PRIM2: variants seen among roughly 807,000 people sequenced by gnomAD.
The protein encoded by PRIM2 is DNA primase large subunit.
A neutral mutation model predicts 67.3 loss-of-function variants in PRIM2; 39 were observed. The ratio of observed to expected loss-of-function variants is 0.58; its 90% CI spans 0.45 to 0.76. The LOEUF (loss-of-function observed/expected upper bound fraction) is 0.76. Among genes scored for constraint, PRIM2 ranks in the 30% least tolerant of loss-of-function variants. The pLI, the probability that PRIM2 is intolerant of heterozygous loss-of-function variation, is 0.00. For synonymous variants in PRIM2, 143 were observed against 198.7 expected, an observed-to-expected ratio of 0.72 and a Z score of 2.36; for missense variants, 398 against 598.7, an observed-to-expected ratio of 0.66 and a Z score of 3.50.
At chr6:57,364,517 T>C (rs1769292978) in intron 5 of PRIM2, among the ~76,000 whole-genome samples, 1 of 152,196 alleles carries the variant, frequency 6.6e-6, no homozygotes. Context: ...AAAAACTTCA[T>C]TTTCCTACCT....
chr6:57,599,791 T>C (rs1391908142), intron 10 of PRIM2, among the ~76,000 whole-genome samples: 14,593 of 152,278 alleles, frequency 0.096, 780 homozygotes, highest in Middle Eastern at 0.15. Context: ...CCATTAAATG[T>C]TTTCCAATGC....
the PRIM2 span, among the ~76,000 whole-genome samples, chr6:57,250,906 C>T: frequency 3.0e-4 from 46 of 152,264 alleles, no homozygotes; most frequent in African/African-American, 1.1e-3. Flanking sequence ...ATGCTCACTG[C>T]AGCATGTCAA....
intron 5 of PRIM2, among the ~76,000 whole-genome samples, chr6:57,353,439 A>T (rs1768922164): frequency 6.6e-6 from 1 of 152,186 alleles, no homozygotes; most frequent in Admixed American, 6.5e-5. Context: ...CCTGATTTTC[A>T]TTTAGTTTGC....
upstream of PRIM2, among the ~76,000 whole-genome samples, chr6:57,313,826 G>T (rs573330111): frequency 6.6e-6 from 1 of 152,192 alleles, no homozygotes; most frequent in Non-Finnish European, 1.5e-5. Context: ...GACACACCCC[G>T]CTCAGAAGAG....
At chr6:57,439,565 G>C (rs1345803139) in intron 7 of PRIM2, among the ~76,000 whole-genome samples, 1 of 151,270 alleles carries the variant, frequency 6.6e-6, no homozygotes, top group Non-Finnish European at 1.5e-5. Flanking sequence ...ACAGGCACCC[G>C]CCACCACGCC....
chr6:57,246,192 T>C, the PRIM2 span, among the ~76,000 whole-genome samples: 1 of 152,246 alleles, frequency 6.6e-6, no homozygotes. Flanking sequence ...CTGTGTTACT[T>C]GTTCTGCAGC....
the PRIM2 span, among the ~76,000 whole-genome samples, chr6:57,278,184 G>T: frequency 6.7e-6 from 1 of 150,304 alleles, no homozygotes; most frequent in African/African-American, 2.5e-5. Flanking sequence ...AAAATTAGCC[G>T]GGTGTGGTAG....
At chr6:57,338,402 C>A (rs201548903) in intron 5 of PRIM2, among the ~76,000 whole-genome samples, 3 of 151,386 alleles carry the variant, frequency 2.0e-5, no homozygotes, top group Non-Finnish European at 4.4e-5. Context: ...AGAGACACAA[C>A]CAAAAAAGAG....
chr6:57,544,033 T>G (rs1685286187), intron 10 of PRIM2, among the ~76,000 whole-genome samples: 1 of 152,154 alleles, frequency 6.6e-6, no homozygotes, highest in South Asian at 2.1e-4. Flanking sequence ...TTATTAGGAA[T>G]TTGATGTTGT....
chr6:57,616,811 G>T lies in PRIM2; in HGVS notation c.1230+10354G>T, dbSNP rs1472520520. Among the ~76,000 whole-genome samples the T allele has an allele frequency of 1.4e-3, 212 of 152,212 alleles. 5 individuals carry two copies. In the East Asian group the frequency reaches 0.019, roughly 14 times the overall value. On this transcript the variant is annotated intron_variant, in intron 12 of 13. Transcript: ENST00000615550. ...TACACCTATTAAACAATCACCTCCT[G>T]CCGCCCCTAGAAACCAATAATCTGC...
intron 12 of PRIM2, among the ~76,000 whole-genome samples, chr6:57,630,479 GT>G (rs1777021995): frequency 6.6e-6 from 1 of 151,386 alleles, no homozygotes; most frequent in East Asian, 1.9e-4. Context: ...GTTTTCTTTA[GT>G]AAGTTTTTTA....
chr6:57,385,057 G>A (rs1770094251), intron 7 of PRIM2, among the ~76,000 whole-genome samples: 1 of 152,028 alleles, frequency 6.6e-6, no homozygotes, highest in South Asian at 2.1e-4. Flanking sequence ...ATGTATATTT[G>A]TGATTTATCA....
At chr6:57,491,113 CAAGAAAAACCCAT>C (rs1200660743) in intron 7 of PRIM2, among the ~76,000 whole-genome samples, 2 of 152,046 alleles carry the variant, frequency 1.3e-5, no homozygotes, top group Non-Finnish European at 2.9e-5. Context: ...GAAAGAAAGA[CAAGAAAAACCCAT>C]ATCCTGATAA....
At chr6:57,410,307 G>A (rs1771041844) in intron 7 of PRIM2, among the ~76,000 whole-genome samples, 1 of 145,410 alleles carries the variant, frequency 6.9e-6, no homozygotes, top group African/African-American at 2.6e-5. Context: ...ACTCCAGCCT[G>A]GGTGACAGAG....
intron 7 of PRIM2, among the ~76,000 whole-genome samples, chr6:57,399,440 T>C (rs1231631136): frequency 2.6e-5 from 4 of 152,208 alleles, no homozygotes; most frequent in African/African-American, 7.2e-5. Flanking sequence ...CAGTCTATCA[T>C]TGATGGACAT....
chr6:57,455,417 G>A (rs1375003023), intron 7 of PRIM2, among the ~76,000 whole-genome samples: 1 of 152,154 alleles, frequency 6.6e-6, no homozygotes, highest in African/African-American at 2.4e-5. Context: ...TTGTGTGGTA[G>A]TCTAAGTCTC....
At chr6:57,431,987 G>T (rs1771846317) in intron 7 of PRIM2, among the ~76,000 whole-genome samples, 1 of 151,992 alleles carries the variant, frequency 6.6e-6, no homozygotes, top group Non-Finnish European at 1.5e-5. Flanking sequence ...GCAACATTTG[G>T]GTCTAATGTA....
At chr6:57,454,268 A>G (rs1435737642) in intron 7 of PRIM2, among the ~76,000 whole-genome samples, 14,899 of 152,076 alleles carry the variant, frequency 0.098, 803 homozygotes, top group African/African-American at 0.13. Context: ...TTTGTCTCTG[A>G]CAGGCTTTGG....
chr6:57,456,325 GT>G (rs1368493885), intron 7 of PRIM2, among the ~76,000 whole-genome samples: 4 of 152,120 alleles, frequency 2.6e-5, no homozygotes, highest in Non-Finnish European at 2.9e-5. Flanking sequence ...GAATTTGAAT[GT>G]TGGCCTTCCT....
Sources: gnomAD v4.1 joint callset for allele counts (sites outside exome capture counted in the v4.1 genomes callset) on GRCh38, gnomAD v4.1.1 for gene constraint, MANE v1.5 for transcripts, NCBI Gene and HGNC (gene_info 2026-07-23, HGNC 2026-07-21) for gene names.